RBFOX1: variants seen among roughly 807,000 people sequenced by gnomAD.
RBFOX1 encodes the protein RNA binding fox-1 homolog 1.
Under a neutral mutation model 57.7 loss-of-function variants are expected in RBFOX1, and 8 were observed. The observed-to-expected ratio is 0.14, with a 90% confidence interval of 0.08 to 0.25. The LOEUF is 0.25. Ranked by LOEUF, RBFOX1 falls within the 10% of genes least tolerant of loss-of-function variation. The pLI, the probability that RBFOX1 is intolerant of heterozygous loss-of-function variation, is 1.00. For synonymous variants in RBFOX1, 326 were observed against 222.4 expected (o/e 1.47, Z -4.15); for missense variants, 611 against 548.5 (o/e 1.11, Z -1.14).
At chr16:5,454,910 C>A (rs1344789001) in intron 1 of RBFOX1, among the ~76,000 whole-genome samples, 1 of 63,572 alleles carries the variant, frequency 1.6e-5, no homozygotes, top group Non-Finnish European at 3.4e-5. Context: ...TTCTTTCTTT[C>A]TTTCCTTTGT....
At chr16:5,552,093 C>T (rs7200483) in intron 2 of RBFOX1, among the ~76,000 whole-genome samples, 59 of 151,976 alleles carry the variant, frequency 3.9e-4, no homozygotes, top group African/African-American at 1.4e-3. Flanking sequence ...GTCGTGTTAC[C>T]GTGAAATTGA....
At chr16:6,310,735 C>G (rs1001664780) in intron 1 of RBFOX1, among the ~76,000 whole-genome samples, 3 of 152,076 alleles carry the variant, frequency 2.0e-5, no homozygotes, top group Admixed American at 6.6e-5. Context: ...GGTGCTGCCA[C>G]TCCAATAGAA....
At chr16:7,292,356 G>A (rs971011806) in intron 4 of RBFOX1, among the ~76,000 whole-genome samples, 1 of 133,628 alleles carries the variant, frequency 7.5e-6, no homozygotes, top group South Asian at 2.3e-4. Context: ...AATATATAAT[G>A]TATTATGTTA....
At chr16:6,708,826 G>C (rs1245593224) in intron 3 of RBFOX1, among the ~76,000 whole-genome samples, 2 of 152,172 alleles carry the variant, frequency 1.3e-5, no homozygotes, top group Admixed American at 6.5e-5. Context: ...CTGTGAGCTT[G>C]AGAAATGATG....
chr16:7,292,325 T>C (rs2095803700), intron 4 of RBFOX1, among the ~76,000 whole-genome samples: 1 of 133,184 alleles, frequency 7.5e-6, no homozygotes, highest in African/African-American at 2.8e-5. Flanking sequence ...TTATATATCA[T>C]ATATCATACA....
chr16:7,425,620 C>G (rs2098603067), intron 4 of RBFOX1, among the ~76,000 whole-genome samples: 1 of 152,146 alleles, frequency 6.6e-6, no homozygotes, highest in Non-Finnish European at 1.5e-5. Flanking sequence ...TTCTAAACTT[C>G]TCTGGATAAA....
Position 5,332,744 on chromosome 16 carries a change from CAA to C in RBFOX1, c.219+92640_219+92641del, listed in dbSNP as rs556799060. Among the ~76,000 whole-genome samples, 551 of 151,452 alleles carry C rather than the reference CAA, an allele frequency of 3.6e-3. 2 individuals are homozygous for C. The highest frequency in any genetic ancestry group is 0.012 in the African/African-American group (485 of 41,320). On this transcript the variant is annotated intron_variant, in intron 1 of 2. Transcript: ENST00000585867. ...CCATGTGTAGATATTATTTTTGTAA[CAA>C]GAGAAATCAAAGAAAATACAAGGGC...
intron 1 of RBFOX1, among the ~76,000 whole-genome samples, chr16:5,391,916 C>G (rs1023069621): frequency 6.6e-6 from 1 of 151,318 alleles, no homozygotes; most frequent in South Asian, 2.1e-4. Flanking sequence ...CACGCACACA[C>G]ATATATATAC....
At chr16:6,808,902 G>T (rs910238730) in intron 3 of RBFOX1, among the ~76,000 whole-genome samples, 33 of 152,210 alleles carry the variant, frequency 2.2e-4, no homozygotes, top group African/African-American at 7.5e-4. Context: ...TAATCCCAAA[G>T]CAAGATGTTA....
chr16:5,339,983 G>A (rs1217856789), intron 1 of RBFOX1, among the ~76,000 whole-genome samples: 3 of 152,146 alleles, frequency 2.0e-5, no homozygotes, highest in Non-Finnish European at 4.4e-5. Flanking sequence ...AAGATGTTGA[G>A]GAATGAAGTG....
chr16:7,110,189 A>G (rs1371966515), intron 4 of RBFOX1, among the ~76,000 whole-genome samples: 1 of 32,092 alleles, frequency 3.1e-5, no homozygotes, highest in African/African-American at 9.1e-5. Flanking sequence ...CCGTGTCTCA[A>G]AAAAAAAAAA....
intron 11 of RBFOX1, among the ~76,000 whole-genome samples, chr16:7,651,390 G>T (rs1234400534): frequency 2.0e-5 from 3 of 152,154 alleles, no homozygotes; most frequent in African/African-American, 7.2e-5. Context: ...ATGGGTGTAG[G>T]TGTAATTCTT....
At chr16:7,329,661 T>C (rs192550808) in intron 4 of RBFOX1, among the ~76,000 whole-genome samples, 2 of 152,166 alleles carry the variant, frequency 1.3e-5, no homozygotes, top group Non-Finnish European at 2.9e-5. Context: ...GACAATAATA[T>C]ATAAATACAA....
At chr16:7,194,611 C>T (rs556862421) in intron 4 of RBFOX1, among the ~76,000 whole-genome samples, 27 of 152,250 alleles carry the variant, frequency 1.8e-4, no homozygotes, top group East Asian at 1.7e-3. Context: ...CCCAGAAACA[C>T]TTCGTTTTAT....
intron 2 of RBFOX1, among the ~76,000 whole-genome samples, chr16:6,350,483 A>C (rs2086165881): frequency 1.0e-5 from 1 of 98,930 alleles, no homozygotes; most frequent in Non-Finnish European, 2.1e-5. Context: ...AAAAAAAAAA[A>C]AAAAAAAAAA....
intron 1 of RBFOX1, among the ~76,000 whole-genome samples, chr16:6,176,992 A>G (rs1170606977): frequency 1.3e-5 from 2 of 152,112 alleles, no homozygotes; most frequent in South Asian, 2.1e-4. Context: ...ATGGATGGTA[A>G]CCATTCCAAG....
intron 4 of RBFOX1, among the ~76,000 whole-genome samples, chr16:7,273,156 T>A (rs2095364250): frequency 8.2e-6 from 1 of 121,946 alleles, no homozygotes; most frequent in East Asian, 2.6e-4. Context: ...TCTTTCTCCT[T>A]CCTTCTTTCC....
chr16:6,565,783 T>C (rs2097256979), intron 2 of RBFOX1, among the ~76,000 whole-genome samples: 1 of 152,204 alleles, frequency 6.6e-6, no homozygotes, highest in Non-Finnish European at 1.5e-5. Flanking sequence ...TTTCTTTAAT[T>C]TTTGCTATAA....
chr16:5,820,807 C>G (rs1252137385), intron 3 of RBFOX1, among the ~76,000 whole-genome samples: 1 of 152,196 alleles, frequency 6.6e-6, no homozygotes, highest in Non-Finnish European at 1.5e-5. Context: ...ACAAGCCAGT[C>G]TAGATCCAGC....
Sources: gnomAD v4.1 joint callset for allele counts (sites outside exome capture counted in the v4.1 genomes callset) on GRCh38, gnomAD v4.1.1 for gene constraint, MANE v1.5 for transcripts, NCBI Gene and HGNC (gene_info 2026-07-23, HGNC 2026-07-21) for gene names.